HS6ST3: variants seen among roughly 807,000 people sequenced by gnomAD.
HS6ST3 encodes the protein heparan-sulfate 6-O-sulfotransferase 3.
A neutral mutation model predicts 36.7 loss-of-function variants in HS6ST3; 12 were observed. The observed-to-expected ratio is 0.33, with a 90% CI of 0.21 to 0.53. The LOEUF (loss-of-function observed/expected upper bound fraction) is 0.53, where lower values mean the gene tolerates loss of function less well. HS6ST3 is among the 20% of genes least tolerant of loss of function. The pLI, the probability that HS6ST3 is intolerant of heterozygous loss-of-function variation, is 0.95. For missense variants in HS6ST3, 584 were observed against 640.9 expected (o/e 0.91, Z 0.96); for synonymous variants, 240 against 257.5 (o/e 0.93, Z 0.65).
At chr13:96,376,645 C>T (rs2055316444) in intron 1 of HS6ST3, among the ~76,000 whole-genome samples, 1 of 152,132 alleles carries the variant, frequency 6.6e-6, no homozygotes, top group Non-Finnish European at 1.5e-5. Flanking sequence ...CTATGACCTG[C>T]AGTAAGTTAC....
At chr13:96,364,236 G>A (rs576525242) in intron 1 of HS6ST3, among the ~76,000 whole-genome samples, 2 of 152,102 alleles carry the variant, frequency 1.3e-5, no homozygotes, top group Non-Finnish European at 2.9e-5. Flanking sequence ...GCCTCAAAAA[G>A]TTAAACATAG....
At chr13:96,619,914 T>C in intron 1 of HS6ST3, among the ~76,000 whole-genome samples, 1 of 152,168 alleles carries the variant, frequency 6.6e-6, no homozygotes, top group East Asian at 1.9e-4. Flanking sequence ...AATGAAACTT[T>C]GGGGCTTGGA....
chr13:96,259,867 GTTTA>G (rs2139382328), intron 1 of HS6ST3, among the ~76,000 whole-genome samples: 1 of 152,128 alleles, frequency 6.6e-6, no homozygotes, highest in African/African-American at 2.4e-5. Context: ...TTTGTTTCTT[GTTTA>G]TTTGTTCAAA....
chr13:96,766,858 G>A (rs868622751), intron 1 of HS6ST3, among the ~76,000 whole-genome samples: 13 of 152,092 alleles, frequency 8.5e-5, no homozygotes, highest in African/African-American at 2.7e-4. Flanking sequence ...ACTTTGTCCC[G>A]TTAGAACCCC....
intron 1 of HS6ST3, among the ~76,000 whole-genome samples, chr13:96,300,797 A>G (rs943558046): frequency 6.6e-6 from 1 of 152,208 alleles, no homozygotes; most frequent in Admixed American, 6.5e-5. Context: ...ATAAAAATGT[A>G]TAGTTTAATT....
chr13:96,801,620 C>T (rs1878074924), intron 1 of HS6ST3, among the ~76,000 whole-genome samples: 1 of 151,930 alleles, frequency 6.6e-6, no homozygotes. Flanking sequence ...GGCTGTTGTC[C>T]CTTGAGGGAC....
rs557960332 is a variant in HS6ST3, at chr13:96,834,663, G to A, written c.*1465G>A. On this transcript the variant is annotated 3_prime_UTR_variant, in exon 2 of 2. Coordinates refer to ENST00000376705, the MANE Select transcript of HS6ST3 (RefSeq NM_153456.4). ...TGATCAATCCCTTCAAGGAGCTGAA[G>A]GCAAAATGTGTAAAACCCCTAAATC... 2.0e-5 allele frequency: 3 copies of A among 152,712 alleles called. No individual in the cohort carries two copies. The highest frequency in any genetic ancestry group is 7.2e-5 in the African/African-American group (3 of 41,548). The allele number at this position is 152,712 out of a possible 1,614,324, so 9.5% of individuals were successfully genotyped here.
intron 1 of HS6ST3, among the ~76,000 whole-genome samples, chr13:96,113,325 C>CA (rs2053879490): frequency 6.6e-6 from 1 of 152,122 alleles, no homozygotes; most frequent in Admixed American, 6.5e-5. Flanking sequence ...AGCTCAGTGA[C>CA]TTGTTTTCTA....
At chr13:96,748,822 A>C (rs1233341591) in intron 1 of HS6ST3, among the ~76,000 whole-genome samples, 1 of 152,058 alleles carries the variant, frequency 6.6e-6, no homozygotes, top group Non-Finnish European at 1.5e-5. Flanking sequence ...TTATAGTGCA[A>C]CTAGAAGAGT....
chr13:96,225,989 G>A (rs895612487), intron 1 of HS6ST3, among the ~76,000 whole-genome samples: 7 of 152,136 alleles, frequency 4.6e-5, no homozygotes, highest in African/African-American at 1.4e-4. Flanking sequence ...AGTTAAGTGC[G>A]TTTTGTTGGG....
intron 1 of HS6ST3, among the ~76,000 whole-genome samples, chr13:96,095,023 T>G (rs1310638694): frequency 6.6e-6 from 1 of 152,228 alleles, no homozygotes; most frequent in African/African-American, 2.4e-5. Context: ...ATCATAGCAT[T>G]TTATGGCTAA....
intron 1 of HS6ST3, among the ~76,000 whole-genome samples, chr13:96,359,128 A>G (rs1172745326): frequency 6.6e-6 from 1 of 152,130 alleles, no homozygotes; most frequent in Non-Finnish European, 1.5e-5. Context: ...TTTGGGGGCA[A>G]TTACAATGTT....
intron 1 of HS6ST3, among the ~76,000 whole-genome samples, chr13:96,324,584 T>C (rs960692411): frequency 2.6e-5 from 4 of 152,176 alleles, no homozygotes; most frequent in Non-Finnish European, 4.4e-5. Context: ...AAGGCCATTG[T>C]GAATGTGACC....
intron 1 of HS6ST3, among the ~76,000 whole-genome samples, chr13:96,689,990 G>A (rs538248504): frequency 3.3e-5 from 5 of 152,132 alleles, no homozygotes; most frequent in African/African-American, 7.2e-5. Context: ...TTAAATGCTC[G>A]TGTTTTAAAT....
chr13:96,149,982 G>A (rs920913385), intron 1 of HS6ST3, among the ~76,000 whole-genome samples: 2 of 152,290 alleles, frequency 1.3e-5, no homozygotes, highest in Admixed American at 6.5e-5. Flanking sequence ...GTTGGTGAGC[G>A]GGACGGAGGG....
chr13:96,691,486 A>G (rs1487023591), intron 1 of HS6ST3, among the ~76,000 whole-genome samples: 1 of 152,128 alleles, frequency 6.6e-6, no homozygotes, highest in African/African-American at 2.4e-5. Flanking sequence ...TTGACTTTGT[A>G]AGATGGCAAT....
intron 1 of HS6ST3, among the ~76,000 whole-genome samples, chr13:96,648,479 C>CT (rs1456013774): frequency 8.7e-4 from 84 of 96,674 alleles, no homozygotes; most frequent in African/African-American, 3.1e-3. Context: ...GCACTTTCCA[C>CT]TTTCTTTTTT....
intron 1 of HS6ST3, among the ~76,000 whole-genome samples, chr13:96,575,633 G>A (rs370842661): frequency 6.6e-6 from 1 of 152,220 alleles, no homozygotes; most frequent in Non-Finnish European, 1.5e-5. Context: ...TGCCTAACAG[G>A]TTTGGAATCT....
chr13:96,384,133 A>G (rs2139447848), intron 1 of HS6ST3, among the ~76,000 whole-genome samples: 1 of 152,278 alleles, frequency 6.6e-6, no homozygotes, highest in East Asian at 1.9e-4. Flanking sequence ...TATTTGTGGA[A>G]AGGAACCTCT....
Sources: gnomAD v4.1 joint callset for allele counts (sites outside exome capture counted in the v4.1 genomes callset) on GRCh38, gnomAD v4.1.1 for gene constraint, MANE v1.5 for transcripts, NCBI Gene and HGNC (gene_info 2026-07-23, HGNC 2026-07-21) for gene names.